GNB1: variants seen among roughly 807,000 people sequenced by gnomAD.
GNB1 encodes the protein guanine nucleotide-binding protein G(I)/G(S)/G(T) subunit beta-1.
In GNB1, 2 loss-of-function variants were observed where a neutral mutation model predicts 42.9. The observed-to-expected ratio is 0.05, with a 90% CI of 0.02 to 0.15. GNB1 has a LOEUF of 0.15. GNB1 is among the 10% of genes least tolerant of loss of function. GNB1 has a pLI of 1.00. For missense variants in GNB1, 193 were observed against 462.2 expected (o/e 0.42, Z 5.34); for synonymous variants, 183 against 174.7 (o/e 1.05, Z -0.38).
At chr1:1,793,361 C>T (rs376397856) in intron 7 of GNB1, 50 bp from the exon 8 acceptor site, 2 of 1,299,894 alleles carry the variant, frequency 1.5e-6, no homozygotes, top group East Asian at 2.3e-5. Flanking sequence ...AGGCCTTGCA[C>T]CCAGCCTCAT....
Position 1,891,014 on chromosome 1 carries a change from CCCGCCGCCGCCGCCG to C in GNB1, c.-305_-291del. 1 of 153,350 alleles carries C rather than the reference CCCGCCGCCGCCGCCG, an allele frequency of 6.5e-6. No individual in the cohort carries two copies. 9.5% of individuals were successfully genotyped at this position (153,350 alleles called of 1,614,324 possible). A position where few individuals can be genotyped will look rare whatever the true frequency, so the allele number is the denominator to read the frequency against. On this transcript the variant is annotated 5_prime_UTR_variant, in exon 1 of 12. Transcript: ENST00000378609. ...TCCCCACTCGCCGCCCGCTCCCGCT[CCCGCCGCCGCCGCCG>C]CCGCCTCCGTCCGCCCCTCAGACGC...
chr1:1,820,639 C>T (rs1441604814), intron 3 of GNB1, among the ~76,000 whole-genome samples: 1 of 151,996 alleles, frequency 6.6e-6, no homozygotes, highest in Non-Finnish European at 1.5e-5. Flanking sequence ...GATGTTACAG[C>T]CTTTGATTTT....
rs932906490 is a variant in GNB1 at position 1,785,856 on chromosome 1, C to T, written c.*1207G>A. 2.3e-5 allele frequency: 9 copies of T among 396,086 alleles called. No individual in the cohort carries two copies. The South Asian group carries it at 4.0e-4, about 18-fold the overall frequency. 24.5% of individuals were successfully genotyped at this position (396,086 alleles called of 1,614,324 possible). A position where few individuals can be genotyped will look rare whatever the true frequency, so the allele number is the denominator to read the frequency against. ...ACAGTGACTTATCCCGCTACCCAAG[C>T]GTGTAGAGCCGCGCGCTGTACTGCT... On this transcript the variant is annotated 3_prime_UTR_variant, in exon 12 of 12. Transcript: ENST00000378609.
chr1:1,789,295 A>G lies in GNB1; in HGVS notation c.700-26T>C, dbSNP rs756139536. On this transcript the variant is annotated intron_variant, in intron 9 of 11. Coordinates refer to ENST00000378609, the MANE Select transcript of GNB1 (RefSeq NM_002074.5). Reference sequence around the variant, plus strand: ...CTGGAAAGAGAAAGCAAATCAAGACATCATGTAAACGCTCAGAAAGAAACA... The same window carrying G: ...CTGGAAAGAGAAAGCAAATCAAGACGTCATGTAAACGCTCAGAAAGAAACA... 6.9e-6 allele frequency: 9 copies of G among 1,312,368 alleles called. 1 individual carries two copies. The South Asian group carries it at 9.4e-5, about 14-fold the overall frequency. 81.3% of individuals were successfully genotyped at this position (1,312,368 alleles called of 1,614,324 possible). A position where few individuals can be genotyped will look rare whatever the true frequency, so the allele number is the denominator to read the frequency against.
At chr1:1,874,252 C>T (rs1420166781) in intron 1 of GNB1, among the ~76,000 whole-genome samples, 3 of 152,232 alleles carry the variant, frequency 2.0e-5, no homozygotes, top group Admixed American at 1.3e-4. Context: ...AGGCAGATCA[C>T]GAGGCCAGGA....
intron 4 of GNB1, among the ~76,000 whole-genome samples, chr1:1,816,900 G>A (rs1263109666): frequency 9.2e-5 from 14 of 151,934 alleles, no homozygotes; most frequent in African/African-American, 9.7e-5. Context: ...CACCTGCCTC[G>A]GCCTCCCAAA....
At chr1:1,855,782 G>A (rs186320281) in intron 1 of GNB1, among the ~76,000 whole-genome samples, 265 of 152,320 alleles carry the variant, frequency 1.7e-3, no homozygotes, top group African/African-American at 6.1e-3. Flanking sequence ...GTACATCAGA[G>A]TAACCTGGGG....
At chr1:1,806,271 T>C (rs1385377888) in intron 6 of GNB1, among the ~76,000 whole-genome samples, 1 of 152,212 alleles carries the variant, frequency 6.6e-6, no homozygotes, top group Non-Finnish European at 1.5e-5. Flanking sequence ...ACAGCACAAC[T>C]GTGCCTGGTC....
intron 1 of GNB1, among the ~76,000 whole-genome samples, chr1:1,842,331 G>A (rs1268579992): frequency 6.6e-6 from 1 of 152,004 alleles, no homozygotes; most frequent in African/African-American, 2.4e-5. Flanking sequence ...TCTGGAGGCT[G>A]AGGCAGGAGA....
chr1:1,798,600 G>C (rs1010067935), intron 7 of GNB1, among the ~76,000 whole-genome samples: 3 of 152,214 alleles, frequency 2.0e-5, no homozygotes, highest in Admixed American at 6.5e-5. Context: ...CACTGCCCGA[G>C]AGGTATGCAA....
chr1:1,811,678 A>G (rs1307443407), intron 5 of GNB1, among the ~76,000 whole-genome samples: 1 of 151,736 alleles, frequency 6.6e-6, no homozygotes, highest in Non-Finnish European at 1.5e-5. Context: ...CCTGGGCGAC[A>G]GTGAGACTCC....
intron 10 of GNB1, chr1:1,788,600 G>A (rs1018770544): frequency 1.1e-5 from 2 of 173,922 alleles, no homozygotes; most frequent in African/African-American, 4.7e-5. Flanking sequence ...AAGTCTGTAA[G>A]TGTCAACAGT....
intron 1 of GNB1, among the ~76,000 whole-genome samples, chr1:1,871,437 G>A (rs1385388023): frequency 6.6e-6 from 1 of 152,092 alleles, no homozygotes; most frequent in Non-Finnish European, 1.5e-5. Flanking sequence ...TCCAGCCACG[G>A]CAACAGAGTG....
At chr1:1,850,258 G>A (rs889183394) in intron 1 of GNB1, among the ~76,000 whole-genome samples, 5 of 152,006 alleles carry the variant, frequency 3.3e-5, no homozygotes, top group African/African-American at 1.2e-4. Flanking sequence ...AACCTCTCGA[G>A]TAGCTGGGAT....
At chr1:1,826,048 G>A (rs1646993668) in intron 2 of GNB1, among the ~76,000 whole-genome samples, 1 of 152,096 alleles carries the variant, frequency 6.6e-6, no homozygotes, top group South Asian at 2.1e-4. Context: ...ATATGCTGGT[G>A]GGTTATAAAA....
At chr1:1,852,048 AAAAT>A (rs1363751774) in intron 1 of GNB1, among the ~76,000 whole-genome samples, 7 of 152,258 alleles carry the variant, frequency 4.6e-5, no homozygotes, top group Admixed American at 2.6e-4. Context: ...CGTCTCAAAA[AAAAT>A]AAATAAAGAG....
At chr1:1,810,208 G>C (rs540595285) in intron 5 of GNB1, among the ~76,000 whole-genome samples, 2 of 151,930 alleles carry the variant, frequency 1.3e-5, no homozygotes, top group African/African-American at 4.8e-5. Flanking sequence ...TGGGACTACA[G>C]GCACCTGCCA....
chr1:1,827,771 T>A (rs546323428), intron 2 of GNB1, among the ~76,000 whole-genome samples: 1 of 152,278 alleles, frequency 6.6e-6, no homozygotes, highest in South Asian at 2.1e-4. Context: ...TGGGGGTAGT[T>A]TTATTTCACC....
intron 2 of GNB1, among the ~76,000 whole-genome samples, chr1:1,826,753 C>T (rs1647004825): frequency 6.6e-6 from 1 of 152,176 alleles, no homozygotes; most frequent in Non-Finnish European, 1.5e-5. Flanking sequence ...GCCTTCTCGC[C>T]CTACTCACGT....
Sources: gnomAD v4.1 joint callset for allele counts (sites outside exome capture counted in the v4.1 genomes callset) on GRCh38, gnomAD v4.1.1 for gene constraint, MANE v1.5 for transcripts, NCBI Gene and HGNC (gene_info 2026-07-23, HGNC 2026-07-21) for gene names.